The following DIAPH2 variants were observed in gnomAD, a reference collection of about 807,000 sequenced individuals.
The protein encoded by DIAPH2 is diaphanous related formin 2, also known as protein diaphanous homolog 2.
DIAPH2 carries 35 observed loss-of-function variants against 92.7 expected under a neutral mutation model. That is an observed-to-expected ratio of 0.38 (90% CI 0.29 to 0.50). The LOEUF (loss-of-function observed/expected upper bound fraction) is 0.50. Ranked by LOEUF, DIAPH2 falls within the 20% of genes least tolerant of loss-of-function variation. The pLI is 0.94. For synonymous variants in DIAPH2, 301 were observed against 280.4 expected (o/e 1.07, Z -0.73); for missense variants, 701 against 819.5 (o/e 0.86, Z 1.77).
chrX:97,189,071 G>A (rs758916213), intron 22 of DIAPH2, among the ~76,000 whole-genome samples: 105 of 111,879 alleles, frequency 9.4e-4, no homozygotes, highest in African/African-American at 3.4e-3. Context: ...TTTCTTCACC[G>A]TGCCAAGACA....
intron 19 of DIAPH2, among the ~76,000 whole-genome samples, chrX:97,079,195 T>C (rs1399319016): frequency 9.0e-6 from 1 of 111,082 alleles, no homozygotes; most frequent in Non-Finnish European, 1.9e-5. Context: ...TCCTAACCCC[T>C]ATATACACCA....
At chrX:97,535,601 G>A (rs902786535) in intron 26 of DIAPH2, among the ~76,000 whole-genome samples, 2 of 110,778 alleles carry the variant, frequency 1.8e-5, no homozygotes, top group East Asian at 2.8e-4. Context: ...GCAGGCACGC[G>A]CCACCACACC....
intron 24 of DIAPH2, among the ~76,000 whole-genome samples, chrX:97,350,618 G>C (rs967718843): frequency 8.9e-6 from 1 of 111,805 alleles, no homozygotes; most frequent in Non-Finnish European, 1.9e-5. Context: ...TTGTATCCTG[G>C]TACTGCCACT....
chrX:96,743,716 T>G (rs78771246), intron 3 of DIAPH2, among the ~76,000 whole-genome samples: 11,478 of 110,600 alleles, frequency 0.1, 537 homozygotes, highest in East Asian at 0.32. Flanking sequence ...AGGGGTAGGT[T>G]GAGGAGATAG....
chrX:96,704,923 C>T (rs771338249), intron 1 of DIAPH2, among the ~76,000 whole-genome samples: 16 of 108,998 alleles, frequency 1.5e-4, no homozygotes, highest in Non-Finnish European at 2.9e-4. Flanking sequence ...TTCCTCCCTC[C>T]ACGTACTTAC....
At chrX:97,234,661 A>T (rs1046788252) in intron 22 of DIAPH2, among the ~76,000 whole-genome samples, 4 of 112,293 alleles carry the variant, frequency 3.6e-5, no homozygotes, top group African/African-American at 1.3e-4. Context: ...AACTTTATTT[A>T]TGGACACTGA....
At chrX:96,899,582 C>G (rs902884389) in intron 5 of DIAPH2, among the ~76,000 whole-genome samples, 33 of 111,139 alleles carry the variant, frequency 3.0e-4, no homozygotes, top group Non-Finnish European at 5.9e-4. Flanking sequence ...GATTTTGTAT[C>G]CTGAGACTTT....
rs760310586 is a variant in DIAPH2 at position 97,492,997 on chromosome X, C to G, written c.3241+63252C>G. Among the ~76,000 whole-genome samples the G allele has an allele frequency of 2.7e-5, 3 of 112,344 alleles. No homozygotes were observed. The East Asian group carries it at 8.4e-4, about 32-fold the overall frequency. On this transcript the variant is annotated intron_variant, in intron 26 of 26. Transcript: ENST00000324765. Reference sequence around the variant, plus strand: ...TAAGCTTTTTCCCCTGACTATCTCTCTTCTCCTTTGAGATTCCCATAATGA... The same window carrying G: ...TAAGCTTTTTCCCCTGACTATCTCTGTTCTCCTTTGAGATTCCCATAATGA...
At chrX:97,138,370 T>C (rs1201867671) in intron 21 of DIAPH2, among the ~76,000 whole-genome samples, 1 of 76,860 alleles carries the variant, frequency 1.3e-5, no homozygotes, top group Non-Finnish European at 2.8e-5. Flanking sequence ...TTGTGTGTAC[T>C]AGGAAAAAGA....
Position 97,292,051 on chromosome X carries a change from T to C in DIAPH2, c.2844+44212T>C, listed in dbSNP as rs1026648698. Among the ~76,000 whole-genome samples the C allele has an allele frequency of 2.7e-4, 28 of 104,280 alleles. 1 individual carries two copies. The highest frequency in any genetic ancestry group is 4.6e-4 in the South Asian group (1 of 2,193). 90.6% of individuals were successfully genotyped at this position (104,280 alleles called of 115,157 possible). ...TCTGCTCTATTAATACTGCTAGTTTTATTAGCTACTTATAGAAGCAATTTT... is the reference window on the plus strand; with the variant it reads ...TCTGCTCTATTAATACTGCTAGTTTCATTAGCTACTTATAGAAGCAATTTT... On this transcript the variant is annotated intron_variant, in intron 23 of 26. Coordinates refer to ENST00000324765, the MANE Select transcript of DIAPH2 (RefSeq NM_006729.5).
At position 97,386,449 on chromosome X, in the gene DIAPH2, C is replaced by T. The variant is rs148556714; in HGVS notation, c.3145+2405C>T. 1.8e-3 allele frequency among the ~76,000 whole-genome samples: 204 copies of T among 111,630 alleles called. 1 individual carries two copies. The highest frequency in any genetic ancestry group is 6.4e-3 in the African/African-American group (196 of 30,725). Reference sequence around the variant, plus strand: ...CTTTGGGAGGCTAAGGTGGGTGGATCACGAGGTCAAGAGTTCGAGACCAAC... The same window carrying T: ...CTTTGGGAGGCTAAGGTGGGTGGATTACGAGGTCAAGAGTTCGAGACCAAC... On this transcript the variant is annotated intron_variant, in intron 25 of 26. Transcript: ENST00000324765.
rs1271813738 is a variant in DIAPH2, at chrX:97,410,309, G to C, written c.3146-19341G>C. On this transcript the variant is annotated intron_variant, in intron 25 of 26. Coordinates refer to ENST00000324765, the MANE Select transcript of DIAPH2 (RefSeq NM_006729.5). ...TCCAGCAGACTCCACCAGAGCTGCA[G>C]CTGAGGGACCTGACTCGTAGAAGGA... Among the ~76,000 whole-genome samples, 5 of 112,126 alleles carry C rather than the reference G, an allele frequency of 4.5e-5. No individual in the cohort carries two copies. In the East Asian group the frequency reaches 8.4e-4, roughly 19 times the overall value.
intron 25 of DIAPH2, among the ~76,000 whole-genome samples, chrX:97,417,212 A>G (rs956930282): frequency 2.7e-5 from 3 of 111,796 alleles, no homozygotes; most frequent in Admixed American, 9.5e-5. Context: ...ACAGTTATAC[A>G]TGCCCTTTTT....
chrX:97,119,006 C>T (rs2067035670), intron 21 of DIAPH2, among the ~76,000 whole-genome samples: 3 of 111,702 alleles, frequency 2.7e-5, no homozygotes, highest in African/African-American at 6.5e-5. Flanking sequence ...TTCTCTGGTG[C>T]CTCCCTGATT....
chrX:96,925,787 C>A (rs1243989807), intron 9 of DIAPH2, among the ~76,000 whole-genome samples: 1 of 111,632 alleles, frequency 9.0e-6, no homozygotes, highest in Non-Finnish European at 1.9e-5. Flanking sequence ...CACCACCCTT[C>A]TACATATGTT....
At chrX:97,177,976 A>G (rs2067506401) in intron 22 of DIAPH2, among the ~76,000 whole-genome samples, 1 of 111,788 alleles carries the variant, frequency 8.9e-6, no homozygotes, top group East Asian at 2.8e-4. Flanking sequence ...TGGGAGACCA[A>G]GGAGAGCGGA....
intron 17 of DIAPH2, among the ~76,000 whole-genome samples, chrX:97,023,981 T>C (rs2066314790): frequency 8.9e-6 from 1 of 111,976 alleles, no homozygotes; most frequent in Admixed American, 9.5e-5. Flanking sequence ...CATTCAAAAA[T>C]ATGTAAGTAC....
chrX:97,420,721 A>G (rs1440253195), intron 25 of DIAPH2, among the ~76,000 whole-genome samples: 5 of 111,804 alleles, frequency 4.5e-5, no homozygotes, highest in African/African-American at 1.6e-4. Flanking sequence ...TTGTTTTACA[A>G]ACTTTCGACT....
chrX:97,047,573 G>A (rs1460018416), intron 17 of DIAPH2, among the ~76,000 whole-genome samples: 1 of 29,920 alleles, frequency 3.3e-5, no homozygotes, highest in African/African-American at 1.6e-4. Context: ...TTTTTTTGCT[G>A]TGTTCATAGT....
Sources: allele counts gnomAD v4.1 joint callset (sites outside exome capture counted in the v4.1 genomes callset), GRCh38; gene constraint gnomAD v4.1.1; transcripts MANE v1.5; gene names NCBI Gene and HGNC (gene_info 2026-07-23, HGNC 2026-07-21).